Variants in PLPPR4 observed in about 807,000 individuals in gnomAD.
PLPPR4 encodes the protein phospholipid phosphatase-related protein type 4.
In PLPPR4, 24 loss-of-function variants were observed where a neutral mutation model predicts 56.6. The ratio of observed to expected loss-of-function variants is 0.42; its 90% CI spans 0.31 to 0.60. The LOEUF (loss-of-function observed/expected upper bound fraction) is 0.60. PLPPR4 is among the 20% of genes least tolerant of loss of function. The pLI is 0.13. For missense variants in PLPPR4, 654 were observed against 885.8 expected (o/e 0.74, Z 3.32); for synonymous variants, 326 against 328.1 (o/e 0.99, Z 0.07).
chr1:99,305,513 T>C (rs979013272), intron 6 of PLPPR4, among the ~76,000 whole-genome samples, 172 bp from the exon 7 acceptor site: 1 of 152,234 alleles, frequency 6.6e-6, no homozygotes, highest in African/African-American at 2.4e-5. Context: ...ATTTATGATA[T>C]AACTTACAAA....
Position 99,306,335 on chromosome 1 carries a change from G to A in PLPPR4, c.1473G>A (p.Glu491=). The change falls in exon 7 of 7, where the codon GAG becomes GAA. Residue 491 remains glutamate (E), a synonymous_variant. Coordinates refer to ENST00000370185, the MANE Select transcript of PLPPR4 (RefSeq NM_014839.5). This position sits in a 1 kb window ranked among gnomAD's most constrained non-coding sequence, Gnocchi z 4.0. ...CACAGTTGGTGCACATCCCTGAGGA[G>A]ACTCAGGAAAACATAAGCACCTCCC... The part of the protein sequence containing the change: ...GSSQLVHIPE[E]TQENISTSPK... 6.2e-7 allele frequency: 1 copy of A among 1,614,150 alleles called. No individual in the cohort carries two copies. The highest frequency in any genetic ancestry group is 8.5e-7 in the Non-Finnish European group (1 of 1,180,024).
chr1:99,290,890 T>C (rs1360866158), intron 2 of PLPPR4, among the ~76,000 whole-genome samples: 1 of 151,976 alleles, frequency 6.6e-6, no homozygotes, highest in Admixed American at 6.6e-5. Context: ...CAGGCAAAGA[T>C]TTCATGATGA....
intron 1 of PLPPR4, among the ~76,000 whole-genome samples, chr1:99,276,656 CT>C (rs1389416040): frequency 6.6e-6 from 1 of 152,010 alleles, no homozygotes; most frequent in African/African-American, 2.4e-5. Flanking sequence ...AAAATATAAA[CT>C]TTATTTCTCA....
chr1:99,271,941 T>A lies in PLPPR4; in HGVS notation c.78+7270T>A, dbSNP rs868763357. Among the ~76,000 whole-genome samples, 991 of 139,150 alleles carry A rather than the reference T, an allele frequency of 7.1e-3. 14 individuals carry two copies. The highest frequency in any genetic ancestry group is 0.025 in the African/African-American group (909 of 36,346). The allele number at this position is 139,150 out of a possible 152,430, so 91.3% of individuals were successfully genotyped here. A position where few individuals can be genotyped will look rare whatever the true frequency, so the allele number is the denominator to read the frequency against. ...GTGTGTGTGTGTGTGTGTGTGTGTG[T>A]GTGATGGAGATCCAATCTGTGAGCA... On this transcript the variant is annotated intron_variant, in intron 1 of 6. Coordinates refer to ENST00000370185, the MANE Select transcript of PLPPR4 (RefSeq NM_014839.5).
intron 2 of PLPPR4, among the ~76,000 whole-genome samples, chr1:99,292,464 T>C (rs113690005): frequency 6.6e-6 from 1 of 152,184 alleles, no homozygotes. Context: ...CAGGCTGACG[T>C]AGGAAGTCCA....
At position 99,297,209 on chromosome 1, in the gene PLPPR4, A is replaced by G. The variant is rs542914615; in HGVS notation, c.394+342A>G. Among the ~76,000 whole-genome samples, 3 of 152,296 alleles carry G rather than the reference A, an allele frequency of 2.0e-5. No individual in the cohort carries two copies. The East Asian group carries it at 5.8e-4, about 29-fold the overall frequency. Reference sequence around the variant, plus strand: ...GGAGAACAAACGTCAGCAGGCCAGAATGAATAGACAACTCTTCAGGAATTA... The same window carrying G: ...GGAGAACAAACGTCAGCAGGCCAGAGTGAATAGACAACTCTTCAGGAATTA... On this transcript the variant is annotated intron_variant, in intron 3 of 6. Transcript: ENST00000370185.
Position 99,305,918 on chromosome 1 carries a change from T to A in PLPPR4, c.1056T>A (p.Thr352=), listed in dbSNP as rs1660013440. The A allele has an allele frequency of 6.2e-7, 1 of 1,613,916 alleles. No homozygotes were observed. The highest frequency in any genetic ancestry group is 1.7e-5 in the Admixed American group (1 of 59,988). ...CAAATGCTGATGTGGAAATCATTAC[T>A]CCACGGAGCCCCATGGGGAAGGAGA... ...KRANADVEII[T]PRSPMGKENM... is the part of the protein sequence containing the mutation. The change falls in exon 7 of 7, where the codon ACT becomes ACA. Residue 352 remains threonine (T), a synonymous_variant. Coordinates refer to ENST00000370185, the MANE Select transcript of PLPPR4 (RefSeq NM_014839.5).
At chr1:99,298,922 A>T in intron 3 of PLPPR4, 113 bp from the exon 4 acceptor site, 1 of 805,702 alleles carries the variant, frequency 1.2e-6, no homozygotes, top group East Asian at 2.6e-5. Flanking sequence ...AAATCAACTT[A>T]GAGAAAATGA....
chr1:99,306,619 T>C lies in PLPPR4; in HGVS notation c.1757T>C (p.Ile586Thr), dbSNP rs764252206. Residue 586 changes from isoleucine (I) to threonine (T), a missense_variant, in exon 7 of 7, where the codon ATA becomes ACA. Ile to Thr is a moderately conservative substitution (Grantham distance 89). Transcript: ENST00000370185. The surrounding 1 kb of genome is among the most constrained non-coding windows in gnomAD (Gnocchi z 4.0). ...CACCCAGAGAACAACAGGCCCATCA[T>C]ACAGATCCCGTCCACTGAAGGTGAA... Reference protein sequence around the residue: ...EAHPENNRPIIQIPSTEGEGS... With the variant: ...EAHPENNRPITQIPSTEGEGS... 9.9e-6 allele frequency: 16 copies of C among 1,614,070 alleles called. No homozygotes were observed. In the Admixed American group the frequency reaches 2.7e-4, roughly 27 times the overall value.
chr1:99,288,406 G>T (rs1179699004), intron 2 of PLPPR4, among the ~76,000 whole-genome samples: 3 of 152,034 alleles, frequency 2.0e-5, no homozygotes, highest in Non-Finnish European at 4.4e-5. Flanking sequence ...GAAAAGTTTT[G>T]TAACTTTATA....
rs907852711 is a variant in PLPPR4 at position 99,306,728 on chromosome 1, A to G, written c.1866A>G (p.Ser622=). The change falls in exon 7 of 7, where the codon TCA becomes TCG. Residue 622 remains serine (S), a synonymous_variant. Coordinates refer to ENST00000370185, the MANE Select transcript of PLPPR4 (RefSeq NM_014839.5). The surrounding 1 kb of genome is among the most constrained non-coding windows in gnomAD (Gnocchi z 4.0). ...AGCTCAACGATCTCAACAGGGACTC[A>G]GAAAGCTGTGAGTCTCTGAAAGACA... is the stretch of plus-strand genomic sequence containing the variant. ...TYELNDLNRD[S]ESCESLKDSF... is the part of the protein sequence containing the mutation. 1.9e-6 allele frequency: 3 copies of G among 1,614,072 alleles called. No homozygotes were observed. In the East Asian group the frequency reaches 6.7e-5, roughly 36 times the overall value.
At chr1:99,280,813 G>T (rs1456164) in intron 1 of PLPPR4, among the ~76,000 whole-genome samples, 6 of 152,234 alleles carry the variant, frequency 3.9e-5, no homozygotes, top group Admixed American at 3.9e-4. Context: ...TGGGAACATG[G>T]GCTGTCTTTC....
intron 3 of PLPPR4, chr1:99,298,724 C>T (rs1368009712): frequency 1.1e-5 from 6 of 558,316 alleles, no homozygotes; most frequent in East Asian, 3.0e-5. Flanking sequence ...CATGTCGTCG[C>T]TCTCAAATAA....
chr1:99,267,802 G>A (rs1019832731), intron 1 of PLPPR4, among the ~76,000 whole-genome samples: 2 of 152,202 alleles, frequency 1.3e-5, no homozygotes, highest in Non-Finnish European at 2.9e-5. Context: ...AAATGGACTT[G>A]TATTAATTGA....
At chr1:99,273,481 T>C (rs1659108597) in intron 1 of PLPPR4, among the ~76,000 whole-genome samples, 1 of 152,134 alleles carries the variant, frequency 6.6e-6, no homozygotes, top group African/African-American at 2.4e-5. Context: ...GTCTGCGCTA[T>C]GGGTTTGCTT....
At chr1:99,291,449 C>A (rs770441340) in intron 2 of PLPPR4, among the ~76,000 whole-genome samples, 1 of 152,176 alleles carries the variant, frequency 6.6e-6, no homozygotes, top group Non-Finnish European at 1.5e-5. Flanking sequence ...GAACATAAAT[C>A]ATTCTATTAT....
At chr1:99,293,942 T>A (rs1659681615) in intron 2 of PLPPR4, among the ~76,000 whole-genome samples, 1 of 152,090 alleles carries the variant, frequency 6.6e-6, no homozygotes, top group African/African-American at 2.4e-5. Context: ...CAACAACAAA[T>A]TGCGTCCTTT....
At chr1:99,286,275 C>T (rs1659461678) in intron 1 of PLPPR4, among the ~76,000 whole-genome samples, 1 of 152,152 alleles carries the variant, frequency 6.6e-6, no homozygotes, top group African/African-American at 2.4e-5. Context: ...ACTCTGTTAA[C>T]TCTAGTCTAG....
At position 99,306,640 on chromosome 1, in the gene PLPPR4, G is replaced by A. The variant is rs1660038704; in HGVS notation, c.1778G>A (p.Gly593Asp). 1 of 1,614,124 alleles carries A rather than the reference G, an allele frequency of 6.2e-7. No homozygotes were observed. Residue 593 changes from glycine (G) to aspartate (D), a missense_variant, in exon 7 of 7, where the codon GGT becomes GAT. Coordinates refer to ENST00000370185, the MANE Select transcript of PLPPR4 (RefSeq NM_014839.5). The surrounding 1 kb of genome is among the most constrained non-coding windows in gnomAD (Gnocchi z 4.0). ...RPIIQIPSTE[G>D]EGSGSWKWKA... ...ATCATACAGATCCCGTCCACTGAAGGTGAAGGCAGTGGCTCCTGGAAGTGG... is the reference window on the plus strand; with the variant it reads ...ATCATACAGATCCCGTCCACTGAAGATGAAGGCAGTGGCTCCTGGAAGTGG...
Sources: allele counts gnomAD v4.1 joint callset (sites outside exome capture counted in the v4.1 genomes callset), GRCh38; gene constraint gnomAD v4.1.1; non-coding constraint Gnocchi (gnomAD v3.1); transcripts MANE v1.5; gene names NCBI Gene and HGNC (gene_info 2026-07-23, HGNC 2026-07-21).